STIMATE: variants seen among roughly 807,000 people sequenced by gnomAD.
STIMATE encodes STIM activating enhancer.
STIMATE carries 15 observed loss-of-function variants against 36.7 expected under a neutral mutation model. The ratio of observed to expected loss-of-function variants is 0.41; its 90% CI spans 0.27 to 0.63. The LOEUF is 0.63. Among genes scored for constraint, STIMATE ranks in the 20% least tolerant of loss-of-function variants. The pLI is 0.32. For missense variants in STIMATE, 305 were observed against 397.3 expected (o/e 0.77, Z 1.98); for synonymous variants, 163 against 162.3 (o/e 1.00, Z -0.03).
intron 1 of STIMATE, among the ~76,000 whole-genome samples, chr3:52,857,096 A>G (rs1359952600): frequency 1.3e-5 from 2 of 152,220 alleles, no homozygotes; most frequent in African/African-American, 4.8e-5. Flanking sequence ...GAAGGGAGAC[A>G]GGGAAGGAGA....
chr3:52,837,074 C>G lies in STIMATE; in HGVS notation c.*3420G>C, dbSNP rs1700715876. The G allele has an allele frequency of 6.3e-6, 1 of 158,142 alleles. No homozygotes were observed. The highest frequency in any genetic ancestry group is 6.3e-5 in the Admixed American group (1 of 15,960). The allele number at this position is 158,142 out of a possible 1,614,324, so 9.8% of individuals were successfully genotyped here. A position where few individuals can be genotyped will look rare whatever the true frequency, so the allele number is the denominator to read the frequency against. ...GCTGCTAATGTTTCACGAAGTAAAACAGAGAGCTCTGCACTCTTAGCTGCA... is the reference window on the plus strand; with the variant it reads ...GCTGCTAATGTTTCACGAAGTAAAAGAGAGAGCTCTGCACTCTTAGCTGCA... On this transcript the variant is annotated 3_prime_UTR_variant, in exon 8 of 8. Transcript: ENST00000355083.
intron 6 of STIMATE, 50 bp downstream of exon 6, chr3:52,843,671 C>A: frequency 1.2e-6 from 2 of 1,613,592 alleles, no homozygotes; most frequent in Non-Finnish European, 1.7e-6. Context: ...TGGACAGGAA[C>A]CCTGCCAGAC....
chr3:52,875,256 A>G (rs1206233875), intron 1 of STIMATE, among the ~76,000 whole-genome samples: 4 of 152,208 alleles, frequency 2.6e-5, no homozygotes. Flanking sequence ...GACTATAAAA[A>G]GTTTTCTTTA....
chr3:52,876,711 T>C (rs1022920596), intron 1 of STIMATE, among the ~76,000 whole-genome samples: 4 of 152,248 alleles, frequency 2.6e-5, no homozygotes, highest in African/African-American at 9.6e-5. Flanking sequence ...TAATAACATT[T>C]TTTCTCATTT....
intron 1 of STIMATE, among the ~76,000 whole-genome samples, chr3:52,867,569 C>T (rs1186260762): frequency 2.0e-5 from 3 of 152,246 alleles, no homozygotes; most frequent in Admixed American, 6.5e-5. Flanking sequence ...GAGCCCTCTG[C>T]CCCATGGCAT....
At chr3:52,847,627 T>C in intron 4 of STIMATE, 1 of 1,098,732 alleles carries the variant, frequency 9.1e-7, no homozygotes, top group Non-Finnish European at 1.2e-6. Flanking sequence ...GTGGTACCTC[T>C]TCCTCAAATG....
intron 1 of STIMATE, among the ~76,000 whole-genome samples, chr3:52,858,163 T>C (rs1005359916): frequency 6.6e-6 from 1 of 152,148 alleles, no homozygotes; most frequent in Non-Finnish European, 1.5e-5. Flanking sequence ...TCTGTGATAT[T>C]TGGTTATGGC....
intron 1 of STIMATE, among the ~76,000 whole-genome samples, chr3:52,873,698 G>A (rs1701449634): frequency 2.0e-5 from 3 of 152,198 alleles, no homozygotes; most frequent in Non-Finnish European, 4.4e-5. Context: ...AGAGCCAAGA[G>A]GCGCTGGGGA....
chr3:52,852,447 A>C (rs1349088761), intron 3 of STIMATE, among the ~76,000 whole-genome samples, 156 bp downstream of exon 3: 1 of 152,250 alleles, frequency 6.6e-6, no homozygotes, highest in East Asian at 1.9e-4. Flanking sequence ...GCTCCAGGAC[A>C]GCATGTACAG....
At chr3:52,854,763 G>A (rs1231716228) in intron 2 of STIMATE, among the ~76,000 whole-genome samples, 1 of 152,186 alleles carries the variant, frequency 6.6e-6, no homozygotes, top group Non-Finnish European at 1.5e-5. Context: ...CATGAAGAAG[G>A]GGGCAGTTTG....
intron 1 of STIMATE, among the ~76,000 whole-genome samples, chr3:52,874,352 C>T (rs577028197): frequency 6.6e-6 from 1 of 152,238 alleles, no homozygotes; most frequent in Admixed American, 6.5e-5. Context: ...AAAAGCAAAT[C>T]ATTAAAACGG....
intron 1 of STIMATE, among the ~76,000 whole-genome samples, chr3:52,896,343 T>C (rs1489299228): frequency 6.6e-6 from 1 of 152,292 alleles, no homozygotes; most frequent in Admixed American, 6.5e-5. Context: ...TCTGCACAGA[T>C]AGTTATAACC....
At chr3:52,866,032 T>C (rs1455106188) in intron 1 of STIMATE, among the ~76,000 whole-genome samples, 1 of 152,170 alleles carries the variant, frequency 6.6e-6, no homozygotes, top group Non-Finnish European at 1.5e-5. Flanking sequence ...CTGTGCCATC[T>C]CATTTACTCT....
intron 1 of STIMATE, among the ~76,000 whole-genome samples, chr3:52,893,845 C>G (rs1701822317): frequency 6.6e-6 from 1 of 152,164 alleles, no homozygotes; most frequent in Non-Finnish European, 1.5e-5. Flanking sequence ...AGCCCAGAAC[C>G]CTGACTGTGC....
At chr3:52,875,558 C>T (rs1701488997) in intron 1 of STIMATE, among the ~76,000 whole-genome samples, 1 of 152,190 alleles carries the variant, frequency 6.6e-6, no homozygotes, top group African/African-American at 2.4e-5. Flanking sequence ...AGAGTGGTCC[C>T]AACTTGGCAG....
Position 52,884,339 on chromosome 3 carries a change from G to A in STIMATE, c.160+12952C>T, listed in dbSNP as rs183558382. On this transcript the variant is annotated intron_variant, in intron 1 of 7. Transcript: ENST00000355083. ...TGGTTCACTGCAACCTCCGCTTCCC[G>A]GGTTCAAGCGATTCTCCTGCCTCAG... Among the ~76,000 whole-genome samples, 757 of 151,256 alleles carry A rather than the reference G, an allele frequency of 5.0e-3. 3 individuals are homozygous for A. Among genetic ancestry groups the A allele is most frequent in the Admixed American group, 0.014 (209 of 15,168 alleles).
chr3:52,891,657 G>C (rs1248332356), intron 1 of STIMATE, among the ~76,000 whole-genome samples: 1 of 152,130 alleles, frequency 6.6e-6, no homozygotes, highest in Non-Finnish European at 1.5e-5. Flanking sequence ...TGCTGGCTGG[G>C]CTAAAGGTGC....
chr3:52,867,071 C>T (rs531784083), intron 1 of STIMATE, among the ~76,000 whole-genome samples: 1 of 152,154 alleles, frequency 6.6e-6, no homozygotes, highest in Non-Finnish European at 1.5e-5. Flanking sequence ...TCCCTCTTAC[C>T]AGATGGCATT....
At chr3:52,884,103 T>C (rs1249873692) in intron 1 of STIMATE, among the ~76,000 whole-genome samples, 1 of 152,168 alleles carries the variant, frequency 6.6e-6, no homozygotes, top group African/African-American at 2.4e-5. Context: ...TTTTCCCCTT[T>C]CTCTTCTAAA....
Sources: gnomAD v4.1 joint callset for allele counts (sites outside exome capture counted in the v4.1 genomes callset) on GRCh38, gnomAD v4.1.1 for gene constraint, MANE v1.5 for transcripts, NCBI Gene and HGNC (gene_info 2026-07-23, HGNC 2026-07-21) for gene names.